Variants in PTPRG observed in about 807,000 individuals in gnomAD.
PTPRG encodes receptor-type tyrosine-protein phosphatase gamma.
Under a neutral mutation model 165.3 loss-of-function variants are expected in PTPRG, and 102 were observed. The ratio of observed to expected loss-of-function variants is 0.62; its 90% CI spans 0.53 to 0.73. The LOEUF (loss-of-function observed/expected upper bound fraction) is 0.73. Among genes scored for constraint, PTPRG ranks in the 30% least tolerant of loss-of-function variants. The pLI is 0.00. For missense variants in PTPRG, 1,866 were observed against 1,861.4 expected (o/e 1.00, Z -0.05); for synonymous variants, 675 against 669.5 (o/e 1.01, Z -0.13).
chr3:61,625,983 A>T (rs1373991358), intron 1 of PTPRG, among the ~76,000 whole-genome samples: 1 of 151,720 alleles, frequency 6.6e-6, no homozygotes, highest in African/African-American at 2.4e-5. Context: ...TTAAATAAAT[A>T]ACTTTCCTGT....
chr3:61,940,068 T>G (rs957616562), intron 2 of PTPRG, among the ~76,000 whole-genome samples: 1 of 148,454 alleles, frequency 6.7e-6, no homozygotes, highest in Non-Finnish European at 1.5e-5. Context: ...TGCCTCAGCC[T>G]CCTGAGTAGC....
intron 1 of PTPRG, among the ~76,000 whole-genome samples, chr3:61,596,516 T>C (rs1176380040): frequency 6.6e-6 from 1 of 152,118 alleles, no homozygotes; most frequent in Non-Finnish European, 1.5e-5. Flanking sequence ...ACTGGGGCAG[T>C]GTAGGGCAAG....
chr3:62,099,193 G>C (rs1379931727), intron 5 of PTPRG, among the ~76,000 whole-genome samples: 3 of 152,250 alleles, frequency 2.0e-5, no homozygotes, highest in South Asian at 4.1e-4. Context: ...TTGTGACTCA[G>C]AGTAAAGCAA....
At chr3:61,626,051 C>T (rs58843291) in intron 1 of PTPRG, among the ~76,000 whole-genome samples, 106 of 148,332 alleles carry the variant, frequency 7.1e-4, no homozygotes, top group African/African-American at 2.5e-3. Context: ...CACTTTTAGG[C>T]GACATTATGT....
chr3:61,587,139 C>T (rs936876541), intron 1 of PTPRG, among the ~76,000 whole-genome samples: 1 of 152,162 alleles, frequency 6.6e-6, no homozygotes, highest in Non-Finnish European at 1.5e-5. Flanking sequence ...GCAAATATCT[C>T]CCTACATTAT....
intron 2 of PTPRG, among the ~76,000 whole-genome samples, chr3:61,985,335 C>G (rs909489853): frequency 6.6e-6 from 1 of 152,188 alleles, no homozygotes; most frequent in Non-Finnish European, 1.5e-5. Flanking sequence ...AATGCTTGCA[C>G]CCACCTGCCT....
chr3:62,086,716 A>G (rs561116093), intron 5 of PTPRG, among the ~76,000 whole-genome samples: 131 of 152,322 alleles, frequency 8.6e-4, no homozygotes, highest in African/African-American at 3.0e-3. Flanking sequence ...ATTAAAATAC[A>G]TATGTTCCAA....
intron 2 of PTPRG, among the ~76,000 whole-genome samples, chr3:61,825,336 C>T (rs1007514805): frequency 6.6e-6 from 1 of 152,108 alleles, no homozygotes. Context: ...ATACTGAACA[C>T]AGATTAAATA....
chr3:61,778,809 A>G (rs924126463), intron 2 of PTPRG, among the ~76,000 whole-genome samples: 3 of 152,188 alleles, frequency 2.0e-5, no homozygotes, highest in African/African-American at 7.2e-5. Flanking sequence ...AGTCAGGGAA[A>G]GAATTCCAGG....
rs1207466852 is a variant in PTPRG, at chr3:62,294,317, T to C, written c.*1010T>C. The C allele has an allele frequency of 6.6e-6, 1 of 152,150 alleles. No homozygotes were observed. Among genetic ancestry groups the C allele is most frequent in the Admixed American group, 6.6e-5 (1 of 15,252 alleles). The allele number at this position is 152,150 out of a possible 1,614,324, so 9.4% of individuals were successfully genotyped here. On this transcript the variant is annotated 3_prime_UTR_variant, in exon 30 of 30. Coordinates refer to ENST00000474889, the MANE Select transcript of PTPRG (RefSeq NM_002841.4). ...CATAGTTACTGTTTTCTTTCCTTCT[T>C]TGCCAAATGTTTTATAATAAATCTC...
chr3:62,267,381 T>C, intron 17 of PTPRG, 29 bp from the exon 18 acceptor site: 1 of 1,486,618 alleles, frequency 6.7e-7, no homozygotes. Flanking sequence ...ATCCATTTTA[T>C]TTCTGTTTTT....
chr3:61,746,334 T>G (rs950992059), intron 1 of PTPRG, among the ~76,000 whole-genome samples: 1 of 149,980 alleles, frequency 6.7e-6, no homozygotes. Context: ...TTCTCCTGCC[T>G]CAGCTGGGGC....
chr3:61,610,688 A>G (rs887481615), intron 1 of PTPRG, among the ~76,000 whole-genome samples: 3 of 151,888 alleles, frequency 2.0e-5, no homozygotes, highest in African/African-American at 7.3e-5. Context: ...ACAGGTAGGT[A>G]GTTATTTTCG....
intron 1 of PTPRG, among the ~76,000 whole-genome samples, chr3:61,700,879 A>G (rs532675897): frequency 3.9e-5 from 6 of 152,198 alleles, no homozygotes; most frequent in African/African-American, 1.4e-4. Context: ...AAAACATCCT[A>G]CCCACTCTGA....
intron 2 of PTPRG, among the ~76,000 whole-genome samples, chr3:61,920,910 G>A (rs1407319308): frequency 1.3e-5 from 2 of 152,068 alleles, no homozygotes; most frequent in Non-Finnish European, 1.5e-5. Context: ...TGAGTTGATG[G>A]TATCTTAGAT....
intron 2 of PTPRG, among the ~76,000 whole-genome samples, chr3:61,891,732 C>T (rs888063196): frequency 2.0e-5 from 3 of 152,142 alleles, no homozygotes; most frequent in South Asian, 2.1e-4. Context: ...GTTTTGTAAG[C>T]CATTATACAC....
intron 1 of PTPRG, among the ~76,000 whole-genome samples, chr3:61,643,277 A>AAGAGAGAGAGAGAGAGAAAG (rs35814794): frequency 6.7e-6 from 1 of 149,744 alleles, no homozygotes; most frequent in African/African-American, 2.5e-5. Flanking sequence ...GAGAGAGAGA[A>AAGAGAGAGAGAGAGAGAAAG]AGAGAGAGAG....
At chr3:61,816,249 G>T (rs1232119709) in intron 2 of PTPRG, among the ~76,000 whole-genome samples, 2 of 152,184 alleles carry the variant, frequency 1.3e-5, no homozygotes, top group African/African-American at 2.4e-5. Flanking sequence ...CCAGAAAAAG[G>T]CTGGACGTGG....
chr3:61,778,305 T>C lies in PTPRG; in HGVS notation c.190+29323T>C, dbSNP rs149030673. Among the ~76,000 whole-genome samples the C allele has an allele frequency of 1.4e-4, 22 of 152,304 alleles. No individual in the cohort carries two copies. The East Asian group carries it at 4.2e-3, about 29-fold the overall frequency. On this transcript the variant is annotated intron_variant, in intron 2 of 29. Transcript: ENST00000474889. ...CACATGCCCCCTAGAGGTTTCTTAT[T>C]GGCCACTTGGTGTTCACGCCATGTA... is the stretch of plus-strand genomic sequence containing the variant.
Sources: gnomAD v4.1 joint callset for allele counts (sites outside exome capture counted in the v4.1 genomes callset) on GRCh38, gnomAD v4.1.1 for gene constraint, MANE v1.5 for transcripts, NCBI Gene and HGNC (gene_info 2026-07-23, HGNC 2026-07-21) for gene names.